Variants in SPAG16 observed in about 807,000 individuals in gnomAD.
SPAG16 encodes sperm-associated antigen 16 protein.
A neutral mutation model predicts 80.4 loss-of-function variants in SPAG16; 86 were observed. That is an observed-to-expected ratio of 1.07 (90% CI 0.90 to 1.28). SPAG16 has a LOEUF of 1.28. SPAG16 is among the 50% of genes most tolerant of loss of function. The pLI is 0.00. For missense variants in SPAG16, 870 were observed against 765.3 expected (o/e 1.14, Z -1.61); for synonymous variants, 294 against 265.9 (o/e 1.11, Z -1.03).
At chr2:213,402,476 G>A (rs1308078283) in intron 9 of SPAG16, among the ~76,000 whole-genome samples, 2 of 151,788 alleles carry the variant, frequency 1.3e-5, no homozygotes, top group African/African-American at 4.8e-5. Context: ...TGCACAACGT[G>A]CAGGTTTGTT....
chr2:213,522,572 T>C (rs1038824669), intron 10 of SPAG16, among the ~76,000 whole-genome samples: 7 of 152,064 alleles, frequency 4.6e-5, no homozygotes, highest in African/African-American at 1.7e-4. Context: ...TATGACCTTA[T>C]ACAAGTTGGC....
At chr2:214,063,326 G>T (rs995331506) in intron 13 of SPAG16, among the ~76,000 whole-genome samples, 9 of 152,050 alleles carry the variant, frequency 5.9e-5, no homozygotes, top group Admixed American at 2.6e-4. Context: ...ACCACATACT[G>T]GGTAATTTAT....
chr2:213,727,229 G>T (rs1377273526), intron 10 of SPAG16, among the ~76,000 whole-genome samples: 1 of 152,110 alleles, frequency 6.6e-6, no homozygotes, highest in African/African-American at 2.4e-5. Context: ...AATCATTTGT[G>T]CTGGGCATTA....
At chr2:213,302,660 T>TGTGTGTGTGTGTGTGTG (rs59845389) in intron 3 of SPAG16, 1 of 149,316 alleles carries the variant, frequency 6.7e-6, no homozygotes, top group Non-Finnish European at 1.5e-5. Flanking sequence ...TGTGTGTGTG[T>TGTGTGTGTGTGTGTGTG]TGTGTATAAA....
chr2:213,822,105 A>C (rs2072981044), intron 10 of SPAG16, among the ~76,000 whole-genome samples: 1 of 152,130 alleles, frequency 6.6e-6, no homozygotes, highest in African/African-American at 2.4e-5. Context: ...TTCTATCTTT[A>C]GCTTTTAAGG....
intron 10 of SPAG16, among the ~76,000 whole-genome samples, chr2:213,643,380 A>T (rs1409544998): frequency 4.3e-5 from 3 of 69,888 alleles, no homozygotes; most frequent in Non-Finnish European, 5.6e-5. Flanking sequence ...ATATATATAT[A>T]TATATATATA....
chr2:214,032,201 C>T lies in SPAG16; in HGVS notation c.1527+18124C>T, dbSNP rs939658372. Among the ~76,000 whole-genome samples, 5 of 152,202 alleles carry T rather than the reference C, an allele frequency of 3.3e-5. No individual in the cohort carries two copies. The South Asian group carries it at 8.3e-4, about 25-fold the overall frequency. ...TCCCACATCAAGCCAGGCAGAGACA[C>T]TTTAATGAAGTTGCTCATGTCTGGT... is the stretch of plus-strand genomic sequence containing the variant. On this transcript the variant is annotated intron_variant, in intron 13 of 15. Transcript: ENST00000331683.
chr2:214,031,624 A>T (rs889761641), intron 13 of SPAG16, among the ~76,000 whole-genome samples: 1 of 42,776 alleles, frequency 2.3e-5, no homozygotes, highest in African/African-American at 5.8e-5. Context: ...AATAAAATAA[A>T]CATGAAAAAA....
chr2:213,534,566 T>G (rs2076177172), intron 10 of SPAG16, among the ~76,000 whole-genome samples: 1 of 152,106 alleles, frequency 6.6e-6, no homozygotes, highest in African/African-American at 2.4e-5. Flanking sequence ...AGGAATAAAC[T>G]ATGAATTTAC....
At chr2:214,087,801 A>G (rs1158649537) in intron 13 of SPAG16, among the ~76,000 whole-genome samples, 2 of 152,164 alleles carry the variant, frequency 1.3e-5, no homozygotes, top group South Asian at 2.1e-4. Flanking sequence ...TAGACAAAAA[A>G]ATATCTAGAC....
intron 12 of SPAG16, among the ~76,000 whole-genome samples, chr2:213,965,743 CTAAA>C (rs2044678060): frequency 6.6e-6 from 1 of 152,168 alleles, no homozygotes; most frequent in South Asian, 2.1e-4. Flanking sequence ...ATGATTTATT[CTAAA>C]TAAAGTCAGC....
intron 15 of SPAG16, among the ~76,000 whole-genome samples, chr2:214,285,762 C>T (rs560289263): frequency 6.6e-6 from 1 of 152,126 alleles, no homozygotes; most frequent in South Asian, 2.1e-4. Flanking sequence ...AAGATCACAC[C>T]ACTACACTCC....
chr2:213,822,390 C>T (rs2072998960), intron 10 of SPAG16, among the ~76,000 whole-genome samples: 1 of 151,932 alleles, frequency 6.6e-6, no homozygotes, highest in Non-Finnish European at 1.5e-5. Flanking sequence ...TTAGATTTTT[C>T]CTATAGAGTT....
chr2:214,163,838 T>A (rs1027274011), intron 15 of SPAG16, among the ~76,000 whole-genome samples: 9 of 151,964 alleles, frequency 5.9e-5, no homozygotes, highest in Admixed American at 5.3e-4. Context: ...TCTTTCTTTA[T>A]TAACGCTTTC....
At chr2:213,601,140 A>T (rs1473524247) in intron 10 of SPAG16, among the ~76,000 whole-genome samples, 1 of 152,236 alleles carries the variant, frequency 6.6e-6, no homozygotes, top group African/African-American at 2.4e-5. Flanking sequence ...TGGTTTTGAA[A>T]AAAGTTTGTC....
chr2:214,059,246 G>GTA (rs1295578502), intron 13 of SPAG16, among the ~76,000 whole-genome samples: 2 of 85,662 alleles, frequency 2.3e-5, no homozygotes, highest in African/African-American at 9.9e-5. Context: ...ATATATGTAT[G>GTA]TATATATATG....
chr2:213,700,400 T>A (rs1044906633), intron 10 of SPAG16, among the ~76,000 whole-genome samples: 2 of 152,134 alleles, frequency 1.3e-5, no homozygotes, highest in African/African-American at 4.8e-5. Context: ...GTGTTATTTA[T>A]AAGAGGTGGA....
chr2:213,720,471 CA>C (rs57358797), intron 10 of SPAG16, among the ~76,000 whole-genome samples: 62,087 of 135,384 alleles, frequency 0.46, 14,104 homozygotes, highest in East Asian at 0.6. Flanking sequence ...ACTAAAAATA[CA>C]AAAAAAAAAA....
chr2:214,206,078 C>T (rs897056819), intron 15 of SPAG16, among the ~76,000 whole-genome samples: 1 of 152,096 alleles, frequency 6.6e-6, no homozygotes, highest in African/African-American at 2.4e-5. Flanking sequence ...CGCCTGTAGT[C>T]CCACATAATC....
Sources: allele counts gnomAD v4.1 joint callset (sites outside exome capture counted in the v4.1 genomes callset), GRCh38; gene constraint gnomAD v4.1.1; transcripts MANE v1.5; gene names NCBI Gene and HGNC (gene_info 2026-07-23, HGNC 2026-07-21).